Variants in SULT1E1 observed in about 807,000 individuals in gnomAD.
SULT1E1 encodes the protein sulfotransferase 1E1.
In SULT1E1, 36 loss-of-function variants were observed where a neutral mutation model predicts 33.6. The ratio of observed to expected loss-of-function variants is 1.07; its 90% confidence interval spans 0.82 to 1.41. The LOEUF (loss-of-function observed/expected upper bound fraction) is 1.41. Ranked by LOEUF, SULT1E1 falls within the 40% of genes most tolerant of loss-of-function variation. SULT1E1 has a pLI of 0.00. For synonymous variants in SULT1E1, 121 were observed against 111.7 expected (o/e 1.08, Z -0.53); for missense variants, 371 against 345.7 (o/e 1.07, Z -0.58).
the SULT1E1 span, among the ~76,000 whole-genome samples, chr4:69,833,187 T>C: frequency 6.6e-6 from 1 of 152,184 alleles, no homozygotes. Flanking sequence ...ATCTAAAACA[T>C]ATTATGATGT....
At chr4:69,832,792 G>A in the SULT1E1 span, among the ~76,000 whole-genome samples, 644 of 151,982 alleles carry the variant, frequency 4.2e-3, 2 homozygotes, top group African/African-American at 0.015. Flanking sequence ...ATTAACTATA[G>A]GGAAAACAAG....
chr4:69,822,543 A>G, the SULT1E1 span, among the ~76,000 whole-genome samples: 2 of 152,138 alleles, frequency 1.3e-5, no homozygotes, highest in East Asian at 1.9e-4. Flanking sequence ...TTGAGCGTAG[A>G]AGTTTCAGGT....
At chr4:69,834,062 A>G in the SULT1E1 span, among the ~76,000 whole-genome samples, 1 of 150,832 alleles carries the variant, frequency 6.6e-6, no homozygotes, top group Admixed American at 6.6e-5. Context: ...GTTTTGGGGG[A>G]TTTGTTATTA....
At chr4:69,822,570 C>A in the SULT1E1 span, among the ~76,000 whole-genome samples, 2 of 152,130 alleles carry the variant, frequency 1.3e-5, no homozygotes, top group Non-Finnish European at 2.9e-5. Flanking sequence ...GAACTGTGAC[C>A]ATGCCAACCT....
intron 5 of SULT1E1, among the ~76,000 whole-genome samples, chr4:69,848,089 T>TGG (rs1378234219): frequency 6.9e-4 from 9 of 12,974 alleles, no homozygotes; most frequent in Non-Finnish European, 3.1e-3. Flanking sequence ...TTGAAACTGG[T>TGG]GTGTGTGTGT....
In SULT1E1 at chr4:69,857,569, A is replaced by G; in HGVS notation, c.76T>C (p.Tyr26His). Residue 26 changes from tyrosine (Y) to histidine (H), a missense_variant, in exon 2 of 8, where the codon TAT (tyrosine) becomes CAT (histidine). Tyr to His is a moderately conservative substitution (Grantham distance 83). Transcript: ENST00000226444. ...GILMYKDFVK[Y>H]WDNVEAFQAR... is the part of the protein sequence containing the mutation. ...TGGAACGCTTCCACATTATCCCAATATTTGACAAAATCTTTATACATTAGA... is the reference window on the plus strand; with the variant it reads ...TGGAACGCTTCCACATTATCCCAATGTTTGACAAAATCTTTATACATTAGA... 6.2e-7 allele frequency: 1 copy of G among 1,613,456 alleles called. No homozygotes were observed. The highest frequency in any genetic ancestry group is 8.5e-7 in the Non-Finnish European group (1 of 1,179,776).
chr4:69,828,708 C>T, the SULT1E1 span, among the ~76,000 whole-genome samples: 1 of 152,188 alleles, frequency 6.6e-6, no homozygotes, highest in East Asian at 1.9e-4. Context: ...AGGAAGTGCA[C>T]AAACAGCCTG....
the SULT1E1 span, among the ~76,000 whole-genome samples, chr4:69,834,523 T>C: frequency 6.6e-6 from 1 of 152,210 alleles, no homozygotes; most frequent in East Asian, 1.9e-4. Context: ...CTGTCTTCTT[T>C]CAATTGGATA....
chr4:69,829,714 C>G, the SULT1E1 span, among the ~76,000 whole-genome samples: 1 of 152,196 alleles, frequency 6.6e-6, no homozygotes. Context: ...CCTTGTCCTC[C>G]TATTACACAT....
intron 6 of SULT1E1, among the ~76,000 whole-genome samples, 155 bp from the exon 7 acceptor site, chr4:69,844,496 G>A (rs1720936954): frequency 4.6e-5 from 7 of 152,032 alleles, no homozygotes. Context: ...TATAAAAGCT[G>A]TTTTAAGTAT....
chr4:69,849,300 G>A (rs544584157), intron 5 of SULT1E1, 137 bp downstream of exon 5: 2 of 1,019,690 alleles, frequency 2.0e-6, no homozygotes, highest in Admixed American at 5.9e-5. Context: ...TAAACCTCCA[G>A]GCGCCTTTAG....
At chr4:69,829,883 G>A in the SULT1E1 span, among the ~76,000 whole-genome samples, 1 of 152,146 alleles carries the variant, frequency 6.6e-6, no homozygotes, top group Non-Finnish European at 1.5e-5. Context: ...CTTCCAAAGT[G>A]ATCATAGGCT....
In SULT1E1 at chr4:69,858,140, T is replaced by C. The variant is rs11573747; in HGVS notation, c.-9-487A>G. Among the ~76,000 whole-genome samples, 725 of 152,290 alleles carry C rather than the reference T, an allele frequency of 4.8e-3. 6 individuals are homozygous for C. The highest frequency in any genetic ancestry group is 0.016 in the African/African-American group (685 of 41,578). On this transcript the variant is annotated intron_variant, in intron 1 of 7. Transcript: ENST00000226444. Reference sequence around the variant, plus strand: ...TTTTTGACTTCCTGAATATGTATCATTTTTTTAAATAAACCAAATGCTTGG... The same window carrying C: ...TTTTTGACTTCCTGAATATGTATCACTTTTTTAAATAAACCAAATGCTTGG...
intron 6 of SULT1E1, among the ~76,000 whole-genome samples, chr4:69,847,449 A>G (rs990849827): frequency 7.9e-5 from 12 of 151,376 alleles, no homozygotes; most frequent in Non-Finnish European, 1.8e-4. Flanking sequence ...TCATGAAGTC[A>G]AGTTCTTTCA....
downstream of SULT1E1, among the ~76,000 whole-genome samples, chr4:69,838,005 G>C (rs180780697): frequency 1.1e-3 from 169 of 152,202 alleles, 2 homozygotes; most frequent in Non-Finnish European, 7.2e-4. Context: ...GTATGAGTTT[G>C]GTAGTATGTG....
intron 1 of SULT1E1, among the ~76,000 whole-genome samples, chr4:69,859,216 G>C (rs981935307): frequency 1.3e-5 from 2 of 152,028 alleles, no homozygotes; most frequent in African/African-American, 4.8e-5. Context: ...AACTCAGAAA[G>C]TGTTTTTCCT....
chr4:69,840,938 T>C (rs1453075328), downstream of SULT1E1, among the ~76,000 whole-genome samples: 1 of 151,900 alleles, frequency 6.6e-6, no homozygotes, highest in Admixed American at 6.6e-5. Context: ...CCCAGCTACT[T>C]GGAAGGCTGA....
the SULT1E1 span, among the ~76,000 whole-genome samples, chr4:69,825,730 C>T: frequency 6.6e-6 from 1 of 151,932 alleles, no homozygotes; most frequent in Non-Finnish European, 1.5e-5. Flanking sequence ...TCGGTTGACC[C>T]TGCAGCCATA....
At chr4:69,839,300 A>G (rs1043032613), downstream of SULT1E1, among the ~76,000 whole-genome samples, 21 of 152,334 alleles carry the variant, frequency 1.4e-4, no homozygotes, top group Admixed American at 1.2e-3. Flanking sequence ...TTTTGCTGCA[A>G]CATAACATAA....
Sources: allele counts gnomAD v4.1 joint callset (sites outside exome capture counted in the v4.1 genomes callset), GRCh38; gene constraint gnomAD v4.1.1; transcripts MANE v1.5; gene names NCBI Gene and HGNC (gene_info 2026-07-23, HGNC 2026-07-21).